The following PPIP5K2 variants were observed in gnomAD, a reference collection of about 807,000 sequenced individuals.
PPIP5K2 encodes the protein diphosphoinositol pentakisphosphate kinase 2.
PPIP5K2 carries 105 observed loss-of-function variants against 154.6 expected under a neutral mutation model. The observed-to-expected ratio is 0.68, with a 90% CI of 0.58 to 0.80. The LOEUF (loss-of-function observed/expected upper bound fraction) is 0.80. Ranked by LOEUF, PPIP5K2 falls within the 30% of genes least tolerant of loss-of-function variation. PPIP5K2 has a pLI of 0.00. For synonymous variants in PPIP5K2, 480 were observed against 490.3 expected, an observed-to-expected ratio of 0.98 and a Z score of 0.28; for missense variants, 992 against 1,504.6, an observed-to-expected ratio of 0.66 and a Z score of 5.64.
intron 24 of PPIP5K2, among the ~76,000 whole-genome samples, chr5:103,180,639 G>A (rs1046394039): frequency 3.3e-5 from 5 of 151,876 alleles, no homozygotes; most frequent in Non-Finnish European, 7.4e-5. Context: ...CATGAGGTCA[G>A]GAGATCGAGA....
chr5:103,136,143 T>G (rs1271692925), intron 3 of PPIP5K2: 1 of 152,154 alleles, frequency 6.6e-6, no homozygotes, highest in South Asian at 2.1e-4. Flanking sequence ...GGCTAATTTT[T>G]TGTAATTTTA....
intron 24 of PPIP5K2, 93 bp from the exon 25 acceptor site, chr5:103,183,141 A>G (rs1350532673): frequency 8.1e-6 from 8 of 987,146 alleles, no homozygotes; most frequent in African/African-American, 5.7e-5. Flanking sequence ...CTTTCTGATC[A>G]TTTGGCTCTG....
At chr5:103,123,897 T>C (rs1789187191) in intron 1 of PPIP5K2, among the ~76,000 whole-genome samples, 3 of 152,244 alleles carry the variant, frequency 2.0e-5, no homozygotes, top group Admixed American at 1.3e-4. Flanking sequence ...AAGTGCTATA[T>C]GTATAAACTG....
intron 5 of PPIP5K2, among the ~76,000 whole-genome samples, chr5:103,142,633 G>A (rs1297889282): frequency 3.3e-5 from 5 of 152,126 alleles, no homozygotes; most frequent in African/African-American, 9.7e-5. Context: ...AAAATTAGCC[G>A]GGTGTGGTGG....
At chr5:103,180,612 G>A (rs1554222441) in intron 24 of PPIP5K2, among the ~76,000 whole-genome samples, 2 of 152,010 alleles carry the variant, frequency 1.3e-5, no homozygotes, top group African/African-American at 2.4e-5. Context: ...CACTTTGGGA[G>A]GCCGAGGCGG....
At chr5:103,142,656 G>C (rs1793002632) in intron 5 of PPIP5K2, among the ~76,000 whole-genome samples, 1 of 152,028 alleles carries the variant, frequency 6.6e-6, no homozygotes, top group South Asian at 2.1e-4. Context: ...GGCGCCTGTA[G>C]TCCCAGCTAC....
rs1417799941 is a variant in PPIP5K2 at position 103,184,669 on chromosome 5, C to T, written c.3097-3C>T. 1.2e-6 allele frequency: 2 copies of T among 1,607,556 alleles called. No individual in the cohort carries two copies. Among genetic ancestry groups the T allele is most frequent in the Admixed American group, 1.7e-5 (1 of 59,920 alleles). On this transcript the variant is annotated splice_polypyrimidine_tract_variant and splice_region_variant and intron_variant, in intron 25 of 30. Coordinates refer to ENST00000358359, the MANE Select transcript of PPIP5K2 (RefSeq NM_001276277.3). The stretch of plus-strand genomic sequence containing the variant: ...CTTCATTTATTTTGGATTCCTTATG[C>T]AGGTTGTATCTGAAAATGCTAATTA...
At chr5:103,154,798 C>A in intron 12 of PPIP5K2, 36 bp from the exon 13 acceptor site, 1 of 1,540,496 alleles carries the variant, frequency 6.5e-7, no homozygotes, top group Non-Finnish European at 8.7e-7. Context: ...GGTGAAATTA[C>A]ATAAAAATTC....
Position 103,158,225 on chromosome 5 carries a change from A to G in PPIP5K2, c.1527A>G (p.Leu509=). 1.9e-6 allele frequency: 3 copies of G among 1,613,900 alleles called. No individual in the cohort carries two copies. The highest frequency in any genetic ancestry group is 2.5e-6 in the Non-Finnish European group (3 of 1,179,786). ...AAGAACCATCTTTACTTTTGGTTCT[A>G]AAATGGGGAGGTGAATTAACTCCTG... The part of the protein sequence containing the change: ...RREEPSLLLV[L]KWGGELTPAG... Residue 509 remains leucine (L), a synonymous_variant, in exon 15 of 31, where the codon CTA becomes CTG. Transcript: ENST00000358359.
Position 103,158,520 on chromosome 5 carries a change from A to G in PPIP5K2, c.1684A>G (p.Ile562Val), listed in dbSNP as rs371133060. The G allele has an allele frequency of 1.6e-5, 26 of 1,612,580 alleles. No individual in the cohort carries two copies. Among genetic ancestry groups the G allele is most frequent in the African/African-American group, 2.7e-5 (2 of 74,830 alleles). The change falls in exon 16 of 31, where the codon ATA becomes GTA. Residue 562 changes from isoleucine to valine, a missense_variant. Ile to Val is a conservative substitution (Grantham distance 29). Coordinates refer to ENST00000358359, the MANE Select transcript of PPIP5K2 (RefSeq NM_001276277.3). ...TAGCACCTACAGACATGACCTCAAA[A>G]TATATGCCTCTGATGAAGGACGAGT... is the stretch of plus-strand genomic sequence containing the variant. ...LHSTYRHDLK[I>V]YASDEGRVQM...
intron 23 of PPIP5K2, among the ~76,000 whole-genome samples, chr5:103,179,491 A>T (rs77070329): frequency 0.052 from 7,856 of 152,142 alleles, 523 homozygotes; most frequent in African/African-American, 0.16. Flanking sequence ...TGTGTCCTAG[A>T]ACAATTCATG....
At chr5:103,184,895 CAAAAT>C (rs781901109) in intron 26 of PPIP5K2, 151 bp downstream of exon 26, 41 of 551,718 alleles carry the variant, frequency 7.4e-5, no homozygotes, top group African/African-American at 4.4e-4. Context: ...TTGTATAACT[CAAAAT>C]AAAGTTTTGA....
intron 24 of PPIP5K2, among the ~76,000 whole-genome samples, chr5:103,181,750 A>T (rs1799585094): frequency 6.6e-6 from 1 of 152,116 alleles, no homozygotes; most frequent in Non-Finnish European, 1.5e-5. Context: ...AATAAAAACA[A>T]TGAAAAGAAT....
chr5:103,188,071 A>G (rs1800684391), intron 28 of PPIP5K2, among the ~76,000 whole-genome samples: 1 of 152,178 alleles, frequency 6.6e-6, no homozygotes, highest in Non-Finnish European at 1.5e-5. Flanking sequence ...GTTAAGATCT[A>G]GAAACCCAGC....
chr5:103,193,551 G>A (rs1801595198), intron 29 of PPIP5K2, among the ~76,000 whole-genome samples: 1 of 151,892 alleles, frequency 6.6e-6, no homozygotes, highest in Non-Finnish European at 1.5e-5. Context: ...GGATAAGTTA[G>A]TGATGGAAGT....
chr5:103,204,086 A>G lies in PPIP5K2; in HGVS notation c.*2452A>G, dbSNP rs1269766016. 1 of 152,184 alleles carries G rather than the reference A, an allele frequency of 6.6e-6. No homozygotes were observed. The highest frequency in any genetic ancestry group is 1.5e-5 in the Non-Finnish European group (1 of 68,028). 9.4% of individuals were successfully genotyped at this position (152,184 alleles called of 1,614,324 possible). A position where few individuals can be genotyped will look rare whatever the true frequency, so the allele number is the denominator to read the frequency against. On this transcript the variant is annotated 3_prime_UTR_variant, in exon 31 of 31. Coordinates refer to ENST00000358359, the MANE Select transcript of PPIP5K2 (RefSeq NM_001276277.3). ...CCAATTAAAACTCACTAGCCAAGGA[A>G]AAAGTTTCTGTTTTCACCCGGATTT...
intron 5 of PPIP5K2, 64 bp from the exon 6 acceptor site, chr5:103,146,463 A>G (rs1583286145): frequency 6.1e-6 from 9 of 1,482,382 alleles, no homozygotes; most frequent in East Asian, 2.3e-5. Context: ...CTCGATAATA[A>G]TGTGGTGTCC....
rs144196251 is a variant in PPIP5K2, at chr5:103,135,456, G to A, written c.311-1276G>A. Among the ~76,000 whole-genome samples the A allele has an allele frequency of 5.4e-3, 822 of 152,246 alleles. 5 individuals carry two copies. The highest frequency in any genetic ancestry group is 0.018 in the African/African-American group (767 of 41,552). ...ATTTTTTTTTTCCCCCTGGAGGACA[G>A]GGTCTTGCTGTGTCAACTAGGCTGG... On this transcript the variant is annotated intron_variant, in intron 3 of 30. Transcript: ENST00000358359.
chr5:103,148,868 G>C (rs1258437470), intron 7 of PPIP5K2, among the ~76,000 whole-genome samples: 1 of 151,764 alleles, frequency 6.6e-6, no homozygotes, highest in Non-Finnish European at 1.5e-5. Context: ...AATTTGAGGA[G>C]AGCGATCACA....
Sources: allele counts gnomAD v4.1 joint callset (sites outside exome capture counted in the v4.1 genomes callset), GRCh38; gene constraint gnomAD v4.1.1; transcripts MANE v1.5; gene names NCBI Gene and HGNC (gene_info 2026-07-23, HGNC 2026-07-21).